The following ZNF273 variants were observed in gnomAD, a reference collection of about 807,000 sequenced individuals.
ZNF273 encodes zinc finger protein 273.
In ZNF273, 11 loss-of-function variants were observed where a neutral mutation model predicts 14.9. The ratio of observed to expected loss-of-function variants is 0.74; its 90% confidence interval spans 0.46 to 1.22. The LOEUF is 1.22. Among genes scored for constraint, ZNF273 ranks in the 50% most tolerant of loss-of-function variants. The pLI, the probability that ZNF273 is intolerant of heterozygous loss-of-function variation, is 0.00. For synonymous variants in ZNF273, 199 were observed against 223.9 expected, an observed-to-expected ratio of 0.89 and a Z score of 0.99; for missense variants, 577 against 660.6, an observed-to-expected ratio of 0.87 and a Z score of 1.39.
chr7:64,878,106 ACGCTTGTT>A (rs1262826144), intron 1 of ZNF273, among the ~76,000 whole-genome samples: 1 of 151,776 alleles, frequency 6.6e-6, no homozygotes, highest in African/African-American at 2.4e-5. Flanking sequence ...ACGCACTGGA[ACGCTTGTT>A]CTTTTGAGTC....
upstream of ZNF273, among the ~76,000 whole-genome samples, chr7:64,901,581 T>C (rs929103729): frequency 1.3e-5 from 2 of 152,242 alleles, no homozygotes; most frequent in Non-Finnish European, 2.9e-5. Context: ...CTTTTGCTTG[T>C]CTTATGCTAT....
intron 3 of ZNF273, chr7:64,923,964 A>G (rs1302705293): frequency 6.6e-6 from 1 of 152,210 alleles, no homozygotes; most frequent in Admixed American, 6.5e-5. Context: ...TTGAGATTCC[A>G]TATACTTTAG....
downstream of ZNF273, among the ~76,000 whole-genome samples, chr7:64,891,257 G>A (rs1792018363): frequency 3.9e-5 from 6 of 152,354 alleles, no homozygotes; most frequent in Middle Eastern, 3.4e-3. Flanking sequence ...TCTTTAAAAT[G>A]GAGACAATGG....
intron 1 of ZNF273, among the ~76,000 whole-genome samples, chr7:64,905,783 A>G (rs939487329): frequency 2.0e-5 from 3 of 152,170 alleles, no homozygotes; most frequent in Non-Finnish European, 4.4e-5. Context: ...ACACGAGTCA[A>G]ACACATCAGT....
intron 1 of ZNF273, among the ~76,000 whole-genome samples, chr7:64,885,910 C>T (rs1415693669): frequency 6.6e-6 from 1 of 152,222 alleles, no homozygotes; most frequent in African/African-American, 2.4e-5. Flanking sequence ...GTTTTCATTA[C>T]TCAAATTCTC....
chr7:64,913,513 A>T (rs1422763768), intron 1 of ZNF273, among the ~76,000 whole-genome samples: 1 of 152,266 alleles, frequency 6.6e-6, no homozygotes, highest in Non-Finnish European at 1.5e-5. Context: ...ACATGTGTAC[A>T]TGCTGTTTTT....
chr7:64,933,269 G>C (rs572396200), downstream of ZNF273: 3 of 152,226 alleles, frequency 2.0e-5, no homozygotes, highest in East Asian at 5.8e-4. Flanking sequence ...CACTGCGCCC[G>C]GTCTCACTTT....
intron 1 of ZNF273, chr7:64,888,362 C>T (rs10231738): frequency 0.44 from 428,581 of 984,740 alleles, 94,061 homozygotes; most frequent in Non-Finnish European, 0.44. Flanking sequence ...CAGGGGGAAG[C>T]GGGTTATGAA....
downstream of ZNF273, among the ~76,000 whole-genome samples, chr7:64,935,278 A>G (rs1795050260): frequency 6.6e-6 from 1 of 152,084 alleles, no homozygotes. Context: ...AAATTTTCTG[A>G]CTTGGACATT....
At chr7:64,917,490 C>G in intron 1 of ZNF273, 91 bp from the exon 2 acceptor site, 1 of 1,528,208 alleles carries the variant, frequency 6.5e-7, no homozygotes, top group Non-Finnish European at 8.8e-7. Flanking sequence ...AAAACCAGTT[C>G]TCTTTACTTT....
At chr7:64,926,784 T>G (rs1794787016) in intron 3 of ZNF273, among the ~76,000 whole-genome samples, 1 of 152,216 alleles carries the variant, frequency 6.6e-6, no homozygotes, top group African/African-American at 2.4e-5. Context: ...AAACATGTTC[T>G]TAAAATGTGT....
chr7:64,891,595 G>C (rs1792041402), downstream of ZNF273, among the ~76,000 whole-genome samples: 2 of 152,164 alleles, frequency 1.3e-5, no homozygotes, highest in African/African-American at 4.8e-5. Flanking sequence ...GAATTTCTCT[G>C]GTGCCAGCTG....
chr7:64,880,216 A>T (rs1043456775), downstream of ZNF273: 3 of 152,274 alleles, frequency 2.0e-5, no homozygotes, highest in Non-Finnish European at 4.4e-5. Flanking sequence ...CAATAGAGGC[A>T]GACCATTCTG....
chr7:64,916,812 T>G (rs1794033913), intron 1 of ZNF273, among the ~76,000 whole-genome samples: 1 of 151,942 alleles, frequency 6.6e-6, no homozygotes, highest in East Asian at 1.9e-4. Flanking sequence ...GTTCTGCACA[T>G]GTAACCCAGA....
intron 1 of ZNF273, among the ~76,000 whole-genome samples, chr7:64,904,272 T>C (rs1349196414): frequency 6.6e-6 from 1 of 151,226 alleles, no homozygotes; most frequent in Non-Finnish European, 1.5e-5. Flanking sequence ...TGTATTTTAG[T>C]AGAGTCTGGG....
downstream of ZNF273, among the ~76,000 whole-genome samples, chr7:64,891,877 CCTT>C (rs1387895717): frequency 6.6e-6 from 1 of 152,222 alleles, no homozygotes; most frequent in Non-Finnish European, 1.5e-5. Flanking sequence ...ATTGTCCCCT[CCTT>C]GGTGACAGCC....
At chr7:64,913,808 G>A (rs935287723) in intron 1 of ZNF273, among the ~76,000 whole-genome samples, 1 of 151,072 alleles carries the variant, frequency 6.6e-6, no homozygotes, top group Non-Finnish European at 1.5e-5. Context: ...TCAAAATTAC[G>A]AAGTGATTTA....
downstream of ZNF273, among the ~76,000 whole-genome samples, chr7:64,883,609 A>G (rs1439838662): frequency 6.6e-6 from 1 of 152,164 alleles, no homozygotes; most frequent in Non-Finnish European, 1.5e-5. Flanking sequence ...CGTCCACACC[A>G]TGGCCCGGTG....
chr7:64,892,992 T>G (rs1186007995), downstream of ZNF273, among the ~76,000 whole-genome samples: 1 of 152,204 alleles, frequency 6.6e-6, no homozygotes, highest in African/African-American at 2.4e-5. Context: ...GTGTTGGACA[T>G]GCCTGGCCCA....
Sources: gnomAD v4.1 joint callset for allele counts (sites outside exome capture counted in the v4.1 genomes callset) on GRCh38, gnomAD v4.1.1 for gene constraint, MANE v1.5 for transcripts, NCBI Gene and HGNC (gene_info 2026-07-23, HGNC 2026-07-21) for gene names.